CDK13: variants seen among roughly 807,000 people sequenced by gnomAD.
CDK13 encodes cyclin dependent kinase 13, also known as cyclin-dependent kinase 13.
In CDK13, 40 loss-of-function variants were observed where a neutral mutation model predicts 137.6. The observed-to-expected ratio is 0.29, with a 90% confidence interval of 0.23 to 0.38. The LOEUF (loss-of-function observed/expected upper bound fraction) is 0.38. Among genes scored for constraint, CDK13 ranks in the 10% least tolerant of loss-of-function variants. The pLI, the probability that CDK13 is intolerant of heterozygous loss-of-function variation, is 1.00. For missense variants in CDK13, 1,704 were observed against 1,951.8 expected (o/e 0.87, Z 2.39); for synonymous variants, 869 against 760.1 (o/e 1.14, Z -2.36).
chr7:40,005,864 C>G (rs1159640364), intron 5 of CDK13, among the ~76,000 whole-genome samples: 1 of 152,064 alleles, frequency 6.6e-6, no homozygotes, highest in Non-Finnish European at 1.5e-5. Flanking sequence ...TGGGACCACA[C>G]ACGCATGACA....
chr7:39,971,845 T>C (rs1322440106), intron 1 of CDK13, among the ~76,000 whole-genome samples: 2 of 150,336 alleles, frequency 1.3e-5, no homozygotes, highest in Non-Finnish European at 3.0e-5. Flanking sequence ...ATTGCACCAC[T>C]GCCTGGGCAA....
Position 40,094,248 on chromosome 7 carries a change from A to C in CDK13, c.3807A>C (p.Pro1269=). ...CTCCCGAGCCTCCTGAACCACCACC[A>C]GTCACTGAGGAAGATCTAGATTATC... ...QRPPEPPEPP[P]VTEEDLDYRT... The change falls in exon 14 of 14, where the codon CCA becomes CCC. Residue 1269 remains proline (P), a synonymous_variant. Transcript: ENST00000181839. 2 of 1,612,996 alleles carry C rather than the reference A, an allele frequency of 1.2e-6. No homozygotes were observed. The highest frequency in any genetic ancestry group is 1.7e-6 in the Non-Finnish European group (2 of 1,179,594).
intron 1 of CDK13, among the ~76,000 whole-genome samples, chr7:39,977,650 T>A (rs1175481663): frequency 6.6e-6 from 1 of 152,182 alleles, no homozygotes; most frequent in Non-Finnish European, 1.5e-5. Context: ...TCCTATATTT[T>A]GTGATGGCTG....
intron 7 of CDK13, among the ~76,000 whole-genome samples, chr7:40,052,643 C>T (rs1358247747): frequency 6.6e-6 from 1 of 152,128 alleles, no homozygotes; most frequent in Non-Finnish European, 1.5e-5. Flanking sequence ...TCCCAAAACG[C>T]ACACACCTTT....
chr7:40,080,098 C>G (rs138849830), intron 11 of CDK13, among the ~76,000 whole-genome samples: 1 of 152,176 alleles, frequency 6.6e-6, no homozygotes, highest in Non-Finnish European at 1.5e-5. Flanking sequence ...AGTGATTCTC[C>G]TGCTTCAGCC....
intron 9 of CDK13, among the ~76,000 whole-genome samples, chr7:40,069,062 C>T (rs945541825): frequency 2.6e-5 from 4 of 152,146 alleles, no homozygotes; most frequent in Non-Finnish European, 4.4e-5. Flanking sequence ...GGCCAAACCC[C>T]GTCTCTACAA....
chr7:39,976,242 G>A (rs919109202), intron 1 of CDK13, among the ~76,000 whole-genome samples: 3 of 149,960 alleles, frequency 2.0e-5, no homozygotes, highest in Non-Finnish European at 4.4e-5. Flanking sequence ...GCAGTGAGCC[G>A]AGATCATGCC....
At chr7:40,021,895 CATT>C (rs879376085) in intron 5 of CDK13, among the ~76,000 whole-genome samples, 39 of 152,298 alleles carry the variant, frequency 2.6e-4, no homozygotes, top group Non-Finnish European at 5.0e-4. Context: ...TAGAGAATCT[CATT>C]ATTTATCAAG....
At chr7:40,080,377 A>G (rs1182638204) in intron 11 of CDK13, among the ~76,000 whole-genome samples, 1 of 152,212 alleles carries the variant, frequency 6.6e-6, no homozygotes, top group Non-Finnish European at 1.5e-5. Flanking sequence ...TAATAAAAAT[A>G]GCATATTTTA....
rs571979411 is a variant in CDK13 at position 40,099,127 on chromosome 7, G to A, written c.*4147G>A. 1 of 151,266 alleles carries A rather than the reference G, an allele frequency of 6.6e-6. No homozygotes were observed. Among genetic ancestry groups the A allele is most frequent in the African/African-American group, 2.4e-5 (1 of 41,318 alleles). The allele number at this position is 151,266 out of a possible 1,614,324, so 9.4% of individuals were successfully genotyped here. On this transcript the variant is annotated 3_prime_UTR_variant, in exon 14 of 14. Coordinates refer to ENST00000181839, the MANE Select transcript of CDK13 (RefSeq NM_003718.5). ...TTGTAATTTCAAGTGGTTTTTTAAG[G>A]GGAGCAATAGTTTGCCATTTACCAA...
intron 9 of CDK13, among the ~76,000 whole-genome samples, chr7:40,065,707 A>C (rs798852): frequency 0.1 from 15,274 of 152,224 alleles, 975 homozygotes; most frequent in Non-Finnish European, 0.14. Context: ...AAAGGAAAGC[A>C]AATTAATTAA....
chr7:40,092,570 A>G, intron 12 of CDK13: 1 of 518,824 alleles, frequency 1.9e-6, no homozygotes, highest in Non-Finnish European at 3.4e-6. Context: ...TTACCCCTAA[A>G]GATTTATTCA....
At chr7:39,992,140 AGTT>A (rs1238945352) in intron 2 of CDK13, among the ~76,000 whole-genome samples, 9 of 147,062 alleles carry the variant, frequency 6.1e-5, no homozygotes, top group Admixed American at 2.7e-4. Context: ...CTCCATCTCT[AGTT>A]GTTTAAGAGA....
chr7:40,052,511 C>T (rs1449322846), intron 7 of CDK13, among the ~76,000 whole-genome samples: 1 of 152,002 alleles, frequency 6.6e-6, no homozygotes, highest in Non-Finnish European at 1.5e-5. Context: ...TTACTATGAT[C>T]AAAATGAAAG....
At chr7:40,048,148 C>A (rs1785791540) in intron 7 of CDK13, 1 of 316,076 alleles carries the variant, frequency 3.2e-6, no homozygotes, top group Non-Finnish European at 5.7e-6. Context: ...ACTTAAATTT[C>A]TAATACGTAT....
In CDK13 at chr7:40,078,869, C is replaced by CTAT. The variant is rs1250867070; in HGVS notation, c.3029+28_3029+30dup. On this transcript the variant is annotated intron_variant, in intron 11 of 13. Transcript: ENST00000181839. ...CCACCAGAGTAAGTGACTTTTTATCCTATTATTATTATATATTATTATTAT... is the reference window on the plus strand; with the variant it reads ...CCACCAGAGTAAGTGACTTTTTATCCTATTATTATTATTATATATTATTATTAT... 10 of 1,146,906 alleles carry CTAT rather than the reference C, an allele frequency of 8.7e-6. No individual in the cohort carries two copies. The highest frequency in any genetic ancestry group is 3.6e-5 in the East Asian group (1 of 27,910). The allele number at this position is 1,146,906 out of a possible 1,614,324, so 71.0% of individuals were successfully genotyped here.
At chr7:40,015,723 C>T (rs780222013) in intron 5 of CDK13, among the ~76,000 whole-genome samples, 1 of 151,936 alleles carries the variant, frequency 6.6e-6, no homozygotes, top group Non-Finnish European at 1.5e-5. Flanking sequence ...GAGATCAGAC[C>T]TCAGGAATGG....
intron 1 of CDK13, among the ~76,000 whole-genome samples, chr7:39,958,019 A>G (rs1424908879): frequency 6.6e-6 from 1 of 152,226 alleles, no homozygotes; most frequent in East Asian, 1.9e-4. Flanking sequence ...CCAAGCTAAA[A>G]TCAGAAGCAT....
intron 5 of CDK13, among the ~76,000 whole-genome samples, chr7:40,017,150 T>C (rs190087329): frequency 1.9e-4 from 29 of 152,274 alleles, no homozygotes; most frequent in Non-Finnish European, 4.1e-4. Context: ...ACAGAGATAG[T>C]ATTCTGTAAT....
Sources: allele counts gnomAD v4.1 joint callset (sites outside exome capture counted in the v4.1 genomes callset), GRCh38; gene constraint gnomAD v4.1.1; transcripts MANE v1.5; gene names NCBI Gene and HGNC (gene_info 2026-07-23, HGNC 2026-07-21).